The following CSMD2 variants were observed in gnomAD, a reference collection of about 807,000 sequenced individuals.
CSMD2 encodes CUB and sushi domain-containing protein 2.
Under a neutral mutation model 398.5 loss-of-function variants are expected in CSMD2, and 130 were observed. The observed-to-expected ratio is 0.33, with a 90% CI of 0.28 to 0.38. The LOEUF is 0.38. CSMD2 is among the 10% of genes least tolerant of loss of function. CSMD2 has a pLI of 1.00. For synonymous variants in CSMD2, 1,828 were observed against 1,908.5 expected, an observed-to-expected ratio of 0.96 and a Z score of 1.10; for missense variants, 3,829 against 4,764.9, an observed-to-expected ratio of 0.80 and a Z score of 5.78.
intron 20 of CSMD2, among the ~76,000 whole-genome samples, chr1:33,716,072 C>T (rs984435680): frequency 6.6e-6 from 1 of 152,132 alleles, no homozygotes; most frequent in Non-Finnish European, 1.5e-5. Flanking sequence ...AATAAGAATC[C>T]TCAGTGATTA....
At chr1:33,827,136 T>C (rs1337667996) in intron 6 of CSMD2, among the ~76,000 whole-genome samples, 1 of 152,152 alleles carries the variant, frequency 6.6e-6, no homozygotes, top group Non-Finnish European at 1.5e-5. Context: ...GGCCTCCCAT[T>C]CTCCACCCTT....
chr1:33,798,085 T>C (rs1655160459), intron 10 of CSMD2, among the ~76,000 whole-genome samples: 1 of 152,212 alleles, frequency 6.6e-6, no homozygotes, highest in Admixed American at 6.5e-5. Flanking sequence ...ACTCTCTTTT[T>C]TTCGTTTCTT....
At chr1:33,554,185 C>CTTTTTTTT (rs397860875) in intron 55 of CSMD2, among the ~76,000 whole-genome samples, 3 of 74,384 alleles carry the variant, frequency 4.0e-5, no homozygotes, top group Non-Finnish European at 7.2e-5. Context: ...AAAAAACAGC[C>CTTTTTTTT]TTTTTTTTTT....
At chr1:34,146,362 G>C (rs771142) in intron 1 of CSMD2, among the ~76,000 whole-genome samples, 123,085 of 152,214 alleles carry the variant, frequency 0.81, 50,511 homozygotes, top group Admixed American at 0.87. Flanking sequence ...TCCAAAGCCA[G>C]TCTTAACCCA....
At chr1:33,950,987 G>A (rs1317004944) in intron 3 of CSMD2, among the ~76,000 whole-genome samples, 2 of 152,164 alleles carry the variant, frequency 1.3e-5, no homozygotes, top group Admixed American at 6.5e-5. Flanking sequence ...GCATTGAGTC[G>A]GGCATCATCC....
At chr1:33,685,669 C>T (rs1181620213) in intron 25 of CSMD2, among the ~76,000 whole-genome samples, 1 of 152,222 alleles carries the variant, frequency 6.6e-6, no homozygotes, top group Non-Finnish European at 1.5e-5. Context: ...CTGTATTTTC[C>T]CCTATGTTCA....
rs563365620 is a variant in CSMD2 at position 33,546,446 on chromosome 1, C to T, written c.8918-227G>A. On this transcript the variant is annotated intron_variant, in intron 56 of 70. Coordinates refer to ENST00000373381, the MANE Select transcript of CSMD2 (RefSeq NM_001281956.2). ...CTGGGAACCACACAGGGAGGGGAAG[C>T]AAGAAGGCAGAGGAAAGGCTCTGTG... 2.6e-5 allele frequency among the ~76,000 whole-genome samples: 4 copies of T among 152,304 alleles called. No homozygotes were observed. The Middle Eastern group carries it at 0.014, about 518-fold the overall frequency.
At chr1:34,034,543 G>A (rs546161490) in intron 2 of CSMD2, among the ~76,000 whole-genome samples, 65 of 152,164 alleles carry the variant, frequency 4.3e-4, no homozygotes, top group Non-Finnish European at 8.4e-4. Flanking sequence ...TAAAAGCTGA[G>A]CAGTGGCAAG....
intron 1 of CSMD2, among the ~76,000 whole-genome samples, chr1:34,124,659 C>A (rs753076638): frequency 4.6e-5 from 7 of 152,160 alleles, no homozygotes; most frequent in Non-Finnish European, 8.8e-5. Context: ...TGGATCAATG[C>A]GAGGTTGGCA....
chr1:33,602,513 C>T lies in CSMD2; in HGVS notation c.6566G>A (p.Gly2189Asp), dbSNP rs1640294966. Residue 2189 changes from glycine (G) to aspartate (D), a missense_variant, in exon 43 of 71, where the codon GGC becomes GAC. By Grantham distance (94) the Gly-to-Asp change is moderately conservative (BLOSUM62 -1). Transcript: ENST00000373381. ...PCGGNITSSNGTVYSPGFPSP... is the reference protein window; with the variant it reads ...PCGGNITSSNDTVYSPGFPSP... ...AGGGAACCCCGGGGAGTACACAGTG[C>T]CGTTGGAAGAAGTGATGTTCCCGCC... 1 of 1,601,170 alleles carries T rather than the reference C, an allele frequency of 6.2e-7. No homozygotes were observed. The highest frequency in any genetic ancestry group is 1.3e-5 in the African/African-American group (1 of 74,802).
chr1:33,826,205 T>C (rs767562450), intron 6 of CSMD2, among the ~76,000 whole-genome samples: 43 of 152,322 alleles, frequency 2.8e-4, no homozygotes, highest in Admixed American at 1.0e-3. Flanking sequence ...TGACAGGGTA[T>C]GGTAGATCAG....
chr1:33,719,212 A>G (rs1327776574), intron 19 of CSMD2, among the ~76,000 whole-genome samples: 2 of 152,182 alleles, frequency 1.3e-5, no homozygotes, highest in African/African-American at 4.8e-5. Context: ...CAAATGAGAA[A>G]ACTGTTCTCA....
chr1:33,982,099 G>A (rs1482567004), intron 3 of CSMD2, among the ~76,000 whole-genome samples: 1 of 152,146 alleles, frequency 6.6e-6, no homozygotes, highest in African/African-American at 2.4e-5. Flanking sequence ...TGACAGGACG[G>A]TGAAGAAAAG....
At position 33,593,660 on chromosome 1, in the gene CSMD2, G is replaced by A. The variant is rs138258668; in HGVS notation, c.6857-6492C>T. On this transcript the variant is annotated intron_variant, in intron 44 of 70. Coordinates refer to ENST00000373381, the MANE Select transcript of CSMD2 (RefSeq NM_001281956.2). ...GAGTTACAATTCAAGATGAGATTTG[G>A]GTGGAGATACAGCCAAACCAGATCA... is the stretch of plus-strand genomic sequence containing the variant. Among the ~76,000 whole-genome samples, 316 of 152,244 alleles carry A rather than the reference G, an allele frequency of 2.1e-3. 1 individual carries two copies. Among genetic ancestry groups the A allele is most frequent in the African/African-American group, 7.2e-3 (297 of 41,526 alleles).
At chr1:33,604,174 G>A (rs1489538337) in intron 42 of CSMD2, among the ~76,000 whole-genome samples, 2 of 152,202 alleles carry the variant, frequency 1.3e-5, no homozygotes, top group Admixed American at 1.3e-4. Context: ...CTCCTGTGAT[G>A]CCACAAAAAG....
intron 3 of CSMD2, among the ~76,000 whole-genome samples, chr1:33,942,140 C>G (rs1040897774): frequency 1.3e-5 from 2 of 152,198 alleles, no homozygotes; most frequent in South Asian, 2.1e-4. Context: ...ATTATCATCA[C>G]TTGTTGAGAT....
chr1:33,606,884 C>G (rs1458514933), intron 41 of CSMD2, among the ~76,000 whole-genome samples: 1 of 152,098 alleles, frequency 6.6e-6, no homozygotes, highest in East Asian at 1.9e-4. Context: ...TGTTCCCCTG[C>G]AAGAAGCTTC....
intron 27 of CSMD2, among the ~76,000 whole-genome samples, 183 bp downstream of exon 27, chr1:33,657,763 C>T (rs935951047): frequency 1.3e-5 from 2 of 152,126 alleles, no homozygotes; most frequent in Non-Finnish European, 2.9e-5. Context: ...AGAGTGTGAA[C>T]GTGAGTGAGT....
intron 3 of CSMD2, among the ~76,000 whole-genome samples, chr1:33,987,241 C>T (rs967936153): frequency 3.9e-5 from 6 of 152,236 alleles, no homozygotes; most frequent in South Asian, 4.2e-4. Context: ...AGTAATGATA[C>T]CCCCTATGCT....
Sources: gnomAD v4.1 joint callset for allele counts (sites outside exome capture counted in the v4.1 genomes callset) on GRCh38, gnomAD v4.1.1 for gene constraint, MANE v1.5 for transcripts, NCBI Gene and HGNC (gene_info 2026-07-23, HGNC 2026-07-21) for gene names.